FAM135B: variants seen among roughly 807,000 people sequenced by gnomAD.
FAM135B encodes family with sequence similarity 135 member B.
Under a neutral mutation model 127.7 loss-of-function variants are expected in FAM135B, and 43 were observed. That is an observed-to-expected ratio of 0.34 (90% confidence interval 0.26 to 0.43). The LOEUF (loss-of-function observed/expected upper bound fraction) is 0.43. Ranked by LOEUF, FAM135B falls within the 20% of genes least tolerant of loss-of-function variation. The probability of loss-of-function intolerance (pLI) is 1.00; values close to 1 mark genes in which losing one functional copy is unlikely to be tolerated. For missense variants in FAM135B, 1,558 were observed against 1,725.6 expected, an observed-to-expected ratio of 0.90 and a Z score of 1.72; for synonymous variants, 670 against 665.1, an observed-to-expected ratio of 1.01 and a Z score of -0.11.
chr8:138,304,741 C>A (rs1164207933), intron 3 of FAM135B, among the ~76,000 whole-genome samples: 1 of 152,214 alleles, frequency 6.6e-6, no homozygotes, highest in Non-Finnish European at 1.5e-5. Context: ...ACAAAGGATA[C>A]AGTGGCAATG....
chr8:138,380,096 A>T (rs1260577116), intron 1 of FAM135B, among the ~76,000 whole-genome samples: 1 of 152,264 alleles, frequency 6.6e-6, no homozygotes. Flanking sequence ...TGAAGGCATC[A>T]GCAGGCTTAG....
At chr8:138,212,510 C>T (rs1304212542) in intron 7 of FAM135B, among the ~76,000 whole-genome samples, 2 of 152,200 alleles carry the variant, frequency 1.3e-5, no homozygotes, top group East Asian at 1.9e-4. Context: ...TTTTGCTTTT[C>T]AGGATTATAG....
chr8:138,384,400 T>C (rs1389581784), intron 1 of FAM135B, among the ~76,000 whole-genome samples: 1 of 152,070 alleles, frequency 6.6e-6, no homozygotes. Flanking sequence ...ATTTGCTAAA[T>C]AGATGTATTG....
At chr8:138,444,552 C>T (rs1420866720) in intron 1 of FAM135B, among the ~76,000 whole-genome samples, 1 of 152,190 alleles carries the variant, frequency 6.6e-6, no homozygotes, top group African/African-American at 2.4e-5. Context: ...TGAATGACTA[C>T]TGGGTACATA....
Position 138,187,024 on chromosome 8 carries a change from G to A in FAM135B, c.873+8234C>T, listed in dbSNP as rs971249760. ...CCCTCCTTGTACTCCCAGGGCTGCA[G>A]CAAGGATAGAGCCTGGTGAACCATG... On this transcript the variant is annotated intron_variant, in intron 9 of 19. Transcript: ENST00000395297. Among the ~76,000 whole-genome samples, 3 of 152,190 alleles carry A rather than the reference G, an allele frequency of 2.0e-5. No individual in the cohort carries two copies. The South Asian group carries it at 6.2e-4, about 31-fold the overall frequency.
In FAM135B at chr8:138,242,868, T is replaced by C. The variant is rs1010385752; in HGVS notation, c.669+74A>G. 4 of 1,517,780 alleles carry C rather than the reference T, an allele frequency of 2.6e-6. No homozygotes were observed. The highest frequency in any genetic ancestry group is 2.8e-5 in the African/African-American group (2 of 71,318). The allele number at this position is 1,517,780 out of a possible 1,614,324, so 94.0% of individuals were successfully genotyped here. A position where few individuals can be genotyped will look rare whatever the true frequency, so the allele number is the denominator to read the frequency against. ...CTGAAGGGGATGTTTCAAAGAAGCA[T>C]GAATCTCATAGAACATACACTCTGC... On this transcript the variant is annotated intron_variant, in intron 7 of 19. Coordinates refer to ENST00000395297, the MANE Select transcript of FAM135B (RefSeq NM_015912.4). The surrounding 1 kb of genome is among the most constrained non-coding windows in gnomAD (Gnocchi z 9.6).
At chr8:138,374,608 G>C (rs1230832317) in intron 1 of FAM135B, among the ~76,000 whole-genome samples, 1 of 152,194 alleles carries the variant, frequency 6.6e-6, no homozygotes, top group East Asian at 1.9e-4. Flanking sequence ...CTAGGCCAGA[G>C]TGTGAATATG....
intron 1 of FAM135B, among the ~76,000 whole-genome samples, chr8:138,489,832 G>A (rs546155013): frequency 2.0e-5 from 3 of 152,170 alleles, no homozygotes; most frequent in Admixed American, 6.5e-5. Context: ...CTTATCCCAC[G>A]TTTATCTATG....
chr8:138,182,122 G>A (rs1259195244), intron 9 of FAM135B, among the ~76,000 whole-genome samples: 22 of 152,156 alleles, frequency 1.4e-4, no homozygotes, highest in Admixed American at 9.8e-4. Context: ...AACACAGCAC[G>A]AATCCTGAGC....
intron 1 of FAM135B, chr8:138,439,875 G>C (rs1452034352): frequency 6.6e-6 from 1 of 152,168 alleles, no homozygotes; most frequent in Admixed American, 6.6e-5. Context: ...CTTTGGCCAA[G>C]CACTTTCCAT....
intron 1 of FAM135B, among the ~76,000 whole-genome samples, chr8:138,409,879 C>CAAAA (rs10543075): frequency 8.9e-5 from 7 of 78,404 alleles, no homozygotes; most frequent in African/African-American, 2.9e-4. Context: ...GACTCCGTCT[C>CAAAA]AAAAAAAAAA....
intron 7 of FAM135B, among the ~76,000 whole-genome samples, chr8:138,236,813 T>C (rs534498048): frequency 1.3e-5 from 2 of 152,354 alleles, no homozygotes; most frequent in Non-Finnish European, 2.9e-5. Context: ...CTTTGTTTCA[T>C]GTACAACATG....
At chr8:138,204,486 C>G (rs1372476600) in intron 7 of FAM135B, among the ~76,000 whole-genome samples, 1 of 152,116 alleles carries the variant, frequency 6.6e-6, no homozygotes, top group Non-Finnish European at 1.5e-5. Context: ...TCACTGAATA[C>G]ACAGAGAAAG....
At chr8:138,299,312 C>T (rs958081139) in intron 3 of FAM135B, among the ~76,000 whole-genome samples, 1 of 151,974 alleles carries the variant, frequency 6.6e-6, no homozygotes, top group African/African-American at 2.4e-5. Context: ...TCAAAGAAGG[C>T]CCAATTCATC....
Position 138,148,467 on chromosome 8 carries a change from T to TATTTATGTCAGA in FAM135B, c.3448+52_3448+53insTCTGACATAAAT, listed in dbSNP as rs1586600116. The TATTTATGTCAGA allele has an allele frequency of 1.1e-5, 15 of 1,417,318 alleles. No homozygotes were observed. The East Asian group carries it at 3.5e-4, about 33-fold the overall frequency. The allele number at this position is 1,417,318 out of a possible 1,614,324, so 87.8% of individuals were successfully genotyped here. A position where few individuals can be genotyped will look rare whatever the true frequency, so the allele number is the denominator to read the frequency against. ...CTCATCTAAATTAATACATAAATATTATAAGTTGTATATATGACAGAATTT... is the reference window on the plus strand; with the variant it reads ...CTCATCTAAATTAATACATAAATATTATTTATGTCAGAATAAGTTGTATATATGACAGAATTT... On this transcript the variant is annotated intron_variant, in intron 14 of 19. Coordinates refer to ENST00000395297, the MANE Select transcript of FAM135B (RefSeq NM_015912.4).
At chr8:138,408,942 T>A (rs1002069488) in intron 1 of FAM135B, among the ~76,000 whole-genome samples, 3 of 152,144 alleles carry the variant, frequency 2.0e-5, no homozygotes, top group Non-Finnish European at 4.4e-5. Flanking sequence ...AAAAACTTTC[T>A]CCATTTCAGC....
intron 1 of FAM135B, among the ~76,000 whole-genome samples, chr8:138,424,747 T>G (rs887878808): frequency 6.6e-6 from 1 of 152,220 alleles, no homozygotes; most frequent in African/African-American, 2.4e-5. Flanking sequence ...GTGCCTCTAC[T>G]TATTGGATAC....
chr8:138,418,277 C>T (rs146659139), intron 1 of FAM135B, among the ~76,000 whole-genome samples: 1 of 152,150 alleles, frequency 6.6e-6, no homozygotes, highest in Non-Finnish European at 1.5e-5. Context: ...GTGAATGAAA[C>T]CTTGGGAAAA....
chr8:138,141,403 A>G lies in FAM135B; in HGVS notation c.3639-54T>C. 3 of 1,578,284 alleles carry G rather than the reference A, an allele frequency of 1.9e-6. No homozygotes were observed. Among genetic ancestry groups the G allele is most frequent in the Non-Finnish European group, 2.6e-6 (3 of 1,149,694 alleles). On this transcript the variant is annotated intron_variant, in intron 16 of 19. Coordinates refer to ENST00000395297, the MANE Select transcript of FAM135B (RefSeq NM_015912.4). The surrounding 1 kb of genome is among the most constrained non-coding windows in gnomAD (Gnocchi z 4.7). ...AGTGTGACGGTGAATGCTGCTGCCCAAGAGTGCAGTGCTGGAAGCATCAGG... is the reference window on the plus strand; with the variant it reads ...AGTGTGACGGTGAATGCTGCTGCCCGAGAGTGCAGTGCTGGAAGCATCAGG...
Sources: gnomAD v4.1 joint callset for allele counts (sites outside exome capture counted in the v4.1 genomes callset) on GRCh38, gnomAD v4.1.1 for gene constraint, Gnocchi (gnomAD v3.1) non-coding constraint, MANE v1.5 for transcripts, NCBI Gene and HGNC (gene_info 2026-07-23, HGNC 2026-07-21) for gene names.